The following PCDH11X variants were observed in gnomAD, a reference collection of about 807,000 sequenced individuals.
PCDH11X encodes the protein protocadherin-11 X-linked.
A neutral mutation model predicts 53.3 loss-of-function variants in PCDH11X; 18 were observed. That is an observed-to-expected ratio of 0.34 (90% CI 0.23 to 0.50). The LOEUF (loss-of-function observed/expected upper bound fraction) is 0.50. Ranked by LOEUF, PCDH11X falls within the 20% of genes least tolerant of loss-of-function variation. PCDH11X has a pLI of 0.98. For synonymous variants in PCDH11X, 279 were observed against 393.3 expected, an observed-to-expected ratio of 0.71 and a Z score of 3.44; for missense variants, 570 against 1,032.4, an observed-to-expected ratio of 0.55 and a Z score of 6.14.
rs80217354 is a variant in PCDH11X at position 92,598,191 on chromosome X, A to G, written c.3368-20073A>G. 5.3e-3 allele frequency among the ~76,000 whole-genome samples: 586 copies of G among 111,291 alleles called. 5 individuals are homozygous for G. Among genetic ancestry groups the G allele is most frequent in the African/African-American group, 0.017 (536 of 30,644 alleles). ...AAAGCAAAAATGTACAAATGGAATC[A>G]TATCCAGTTAAGAAGCTTCTGCACA... On this transcript the variant is annotated intron_variant, in intron 10 of 10. Transcript: ENST00000682573.
At chrX:91,973,451 T>G (rs868633467) in intron 6 of PCDH11X, among the ~76,000 whole-genome samples, 1 of 94,029 alleles carries the variant, frequency 1.1e-5, no homozygotes, top group Non-Finnish European at 2.1e-5. Flanking sequence ...AAAAAAAAAA[T>G]TAAAAAAAAA....
intron 8 of PCDH11X, among the ~76,000 whole-genome samples, chrX:92,286,163 T>G (rs1254644731): frequency 9.2e-6 from 1 of 108,314 alleles, no homozygotes; most frequent in Admixed American, 9.9e-5. Context: ...GGGGCCAGTT[T>G]ATGGCCAGAT....
In PCDH11X at chrX:92,264,996, G is replaced by A. The variant is rs761513904; in HGVS notation, c.3144+1853G>A. 4.6e-5 allele frequency among the ~76,000 whole-genome samples: 5 copies of A among 107,649 alleles called. No individual in the cohort carries two copies. In the South Asian group the frequency reaches 1.7e-3, roughly 36 times the overall value. The allele number at this position is 107,649 out of a possible 115,157, so 93.5% of individuals were successfully genotyped here. The stretch of plus-strand genomic sequence containing the variant: ...GGTTATGACGTTAAAAATCTGCAAG[G>A]ATCTCAAAATTCAACAGAAAATGCT... On this transcript the variant is annotated intron_variant, in intron 8 of 10. Transcript: ENST00000682573.
At chrX:92,147,843 CTT>C (rs2065306745) in intron 6 of PCDH11X, among the ~76,000 whole-genome samples, 1 of 97,573 alleles carries the variant, frequency 1.0e-5, no homozygotes, top group African/African-American at 4.0e-5. Context: ...TTCTTTCTTT[CTT>C]TCTTTCTTTT....
At chrX:92,382,674 T>C (rs1315943100) in intron 8 of PCDH11X, among the ~76,000 whole-genome samples, 2 of 111,870 alleles carry the variant, frequency 1.8e-5, no homozygotes, top group East Asian at 5.6e-4. Flanking sequence ...AAATGAGGTG[T>C]GTGGATTTTA....
chrX:91,820,948 G>C (rs758081335), intron 4 of PCDH11X, among the ~76,000 whole-genome samples: 32 of 108,739 alleles, frequency 2.9e-4, no homozygotes, highest in African/African-American at 1.1e-3. Flanking sequence ...CCCATTGCTT[G>C]TTTTTCTCAA....
At chrX:92,147,213 G>C (rs1188383025) in intron 6 of PCDH11X, among the ~76,000 whole-genome samples, 1 of 107,896 alleles carries the variant, frequency 9.3e-6, no homozygotes, top group East Asian at 2.8e-4. Context: ...ATCAAGAATG[G>C]AACTATCTAA....
chrX:92,493,277 C>A (rs929645245), intron 10 of PCDH11X, among the ~76,000 whole-genome samples: 10 of 110,329 alleles, frequency 9.1e-5, no homozygotes, highest in African/African-American at 3.3e-4. Flanking sequence ...AACTTCAAAG[C>A]AAGATGAATA....
intron 4 of PCDH11X, among the ~76,000 whole-genome samples, chrX:91,813,723 C>T (rs961438363): frequency 2.9e-5 from 3 of 104,029 alleles, no homozygotes; most frequent in Non-Finnish European, 5.9e-5. Context: ...ACTTATTTTT[C>T]AACACCATAA....
intron 9 of PCDH11X, among the ~76,000 whole-genome samples, chrX:92,433,519 T>G (rs1240118036): frequency 1.8e-5 from 2 of 109,873 alleles, no homozygotes; most frequent in East Asian, 5.8e-4. Flanking sequence ...TATTCCTTTC[T>G]CTTAGATTTT....
chrX:92,073,108 A>C (rs1457712542), intron 6 of PCDH11X, among the ~76,000 whole-genome samples: 1 of 111,159 alleles, frequency 9.0e-6, no homozygotes, highest in Non-Finnish European at 1.9e-5. Context: ...TCTCCCAGTC[A>C]CTGCTCTCTG....
At chrX:92,305,400 C>T (rs1184083724) in intron 8 of PCDH11X, among the ~76,000 whole-genome samples, 1 of 107,314 alleles carries the variant, frequency 9.3e-6, no homozygotes, top group African/African-American at 3.4e-5. Context: ...TGATGTCCAC[C>T]GTCTTGCTGT....
chrX:92,121,217 G>A (rs1346351816), intron 6 of PCDH11X, among the ~76,000 whole-genome samples: 2 of 108,975 alleles, frequency 1.8e-5, no homozygotes, highest in South Asian at 3.9e-4. Context: ...GTGCAGTGGC[G>A]TGATCTTGGT....
intron 4 of PCDH11X, among the ~76,000 whole-genome samples, chrX:91,830,211 A>G (rs1479301637): frequency 4.5e-5 from 5 of 111,843 alleles, no homozygotes; most frequent in Non-Finnish European, 9.4e-5. Flanking sequence ...AGAACACCAC[A>G]CTAACTGTTG....
chrX:91,981,710 A>G (rs1053558654), intron 6 of PCDH11X, among the ~76,000 whole-genome samples: 1 of 109,833 alleles, frequency 9.1e-6, no homozygotes, highest in Non-Finnish European at 1.9e-5. Flanking sequence ...GTGGAAGGCA[A>G]GGAGGAACAA....
intron 6 of PCDH11X, among the ~76,000 whole-genome samples, chrX:91,918,494 G>T (rs771330434): frequency 9.1e-6 from 1 of 110,044 alleles, no homozygotes; most frequent in Non-Finnish European, 1.9e-5. Context: ...TGTTTATTTT[G>T]CACCTAAACA....
chrX:91,928,332 A>C (rs181479594), intron 6 of PCDH11X, among the ~76,000 whole-genome samples: 98 of 110,048 alleles, frequency 8.9e-4, no homozygotes, highest in African/African-American at 3.2e-3. Context: ...ATTATCGTTT[A>C]GTCATATATA....
intron 1 of PCDH11X, among the ~76,000 whole-genome samples, chrX:91,804,386 T>C (rs1316891042): frequency 5.7e-4 from 61 of 106,356 alleles, no homozygotes; most frequent in Non-Finnish European, 7.2e-4. Flanking sequence ...AAAATATAAT[T>C]AATTAGATTA....
At chrX:92,299,677 A>G (rs1569458565) in intron 8 of PCDH11X, among the ~76,000 whole-genome samples, 2 of 110,382 alleles carry the variant, frequency 1.8e-5, no homozygotes, top group Non-Finnish European at 3.8e-5. Context: ...GAAATTTCCG[A>G]TTGTGTTTAT....
Sources: gnomAD v4.1 joint callset for allele counts (sites outside exome capture counted in the v4.1 genomes callset) on GRCh38, gnomAD v4.1.1 for gene constraint, MANE v1.5 for transcripts, NCBI Gene and HGNC (gene_info 2026-07-23, HGNC 2026-07-21) for gene names.